Variants in CTNNA2 observed in about 807,000 individuals in gnomAD.
The protein encoded by CTNNA2 is catenin alpha-2.
Under a neutral mutation model 101.0 loss-of-function variants are expected in CTNNA2, and 42 were observed. That is an observed-to-expected ratio of 0.42 (90% confidence interval 0.32 to 0.54). The LOEUF (loss-of-function observed/expected upper bound fraction) is 0.54, where lower values mean the gene tolerates loss of function less well. Ranked by LOEUF, CTNNA2 falls within the 20% of genes least tolerant of loss-of-function variation. The pLI, the probability that CTNNA2 is intolerant of heterozygous loss-of-function variation, is 0.14. For missense variants in CTNNA2, 871 were observed against 1,223.1 expected (o/e 0.71, Z 4.29); for synonymous variants, 450 against 456.4 (o/e 0.99, Z 0.18).
At chr2:79,228,031 T>C (rs947853457) in intron 2 of CTNNA2, among the ~76,000 whole-genome samples, 76 of 152,350 alleles carry the variant, frequency 5.0e-4, no homozygotes, top group African/African-American at 1.7e-3. Flanking sequence ...AGTTAGATTG[T>C]TTAGGCTAAT....
chr2:79,486,693 T>A (rs1427659742), intron 4 of CTNNA2, among the ~76,000 whole-genome samples: 5 of 152,312 alleles, frequency 3.3e-5, no homozygotes, highest in Admixed American at 2.0e-4. Context: ...TCCCACCAAC[T>A]GTGTAAAAAT....
chr2:79,565,731 A>G (rs1249356558), intron 1 of CTNNA2, among the ~76,000 whole-genome samples: 2 of 152,138 alleles, frequency 1.3e-5, no homozygotes, highest in Non-Finnish European at 2.9e-5. Context: ...TATAGTAAAC[A>G]AGTAACTCAG....
chr2:80,165,032 G>A (rs992432188), intron 7 of CTNNA2, among the ~76,000 whole-genome samples: 1 of 150,424 alleles, frequency 6.6e-6, no homozygotes, highest in African/African-American at 2.4e-5. Context: ...TTTCTTTCAG[G>A]TTACACTGCT....
chr2:80,192,097 G>A (rs1706543077), intron 7 of CTNNA2, among the ~76,000 whole-genome samples: 1 of 152,164 alleles, frequency 6.6e-6, no homozygotes, highest in Admixed American at 6.5e-5. Context: ...AGAGTTTGAG[G>A]TCTGCAGTGG....
chr2:80,631,803 A>G (rs1357702885), intron 18 of CTNNA2, among the ~76,000 whole-genome samples: 2 of 152,124 alleles, frequency 1.3e-5, no homozygotes, highest in Non-Finnish European at 2.9e-5. Context: ...GTAATTGTCT[A>G]TTAGCTAGCA....
intron 1 of CTNNA2, among the ~76,000 whole-genome samples, chr2:79,591,781 T>G (rs1676863223): frequency 6.6e-6 from 1 of 152,168 alleles, no homozygotes; most frequent in African/African-American, 2.4e-5. Flanking sequence ...AAATCTAATC[T>G]GTGTCTTACG....
At chr2:79,455,959 A>G (rs1259832062) in intron 4 of CTNNA2, among the ~76,000 whole-genome samples, 2 of 152,068 alleles carry the variant, frequency 1.3e-5, no homozygotes, top group Admixed American at 6.6e-5. Flanking sequence ...TATCTTACAA[A>G]GGTTGAGAGT....
At chr2:79,643,686 C>T (rs1355596970) in intron 1 of CTNNA2, among the ~76,000 whole-genome samples, 3 of 152,116 alleles carry the variant, frequency 2.0e-5, no homozygotes, top group Non-Finnish European at 2.9e-5. Context: ...CCTTCTTTGG[C>T]TCTCTCAAGG....
chr2:79,675,631 G>A (rs1055102393), intron 2 of CTNNA2, among the ~76,000 whole-genome samples: 14 of 152,182 alleles, frequency 9.2e-5, no homozygotes, highest in Admixed American at 6.5e-4. Context: ...ATACTCAGTT[G>A]CATTATGTAA....
intron 7 of CTNNA2, among the ~76,000 whole-genome samples, chr2:80,261,702 C>T (rs914135571): frequency 1.3e-5 from 2 of 152,090 alleles, no homozygotes; most frequent in African/African-American, 4.8e-5. Context: ...ATTGCTTTTC[C>T]TAAGGGCAAA....
intron 3 of CTNNA2, among the ~76,000 whole-genome samples, chr2:79,372,648 CA>C (rs1677898174): frequency 6.6e-6 from 1 of 152,130 alleles, no homozygotes; most frequent in Non-Finnish European, 1.5e-5. Context: ...AGAAGCAACA[CA>C]AAGGGCTGTT....
chr2:79,944,635 G>C (rs1330098371), intron 7 of CTNNA2, among the ~76,000 whole-genome samples: 1 of 152,150 alleles, frequency 6.6e-6, no homozygotes, highest in Non-Finnish European at 1.5e-5. Flanking sequence ...GAAAGTGATT[G>C]CAACAAAAGT....
intron 4 of CTNNA2, among the ~76,000 whole-genome samples, chr2:79,395,355 AG>A (rs1242851637): frequency 6.6e-6 from 1 of 152,026 alleles, no homozygotes; most frequent in African/African-American, 2.4e-5. Flanking sequence ...CTCATCATTT[AG>A]CATTAGGTAT....
chr2:80,375,499 T>A (rs1675856795), intron 7 of CTNNA2, among the ~76,000 whole-genome samples: 1 of 151,826 alleles, frequency 6.6e-6, no homozygotes, highest in African/African-American at 2.4e-5. Flanking sequence ...CACCCTCAAG[T>A]CAGACTTATA....
rs183543382 is a variant in CTNNA2 at position 80,480,827 on chromosome 2, C to T, written c.1290+61226C>T. 2.0e-3 allele frequency among the ~76,000 whole-genome samples: 308 copies of T among 152,096 alleles called. 3 individuals are homozygous for T. Among genetic ancestry groups the T allele is most frequent in the Non-Finnish European group, 4.6e-4 (31 of 67,958 alleles). ...GTGTCTAAAAGGACCCTCTATTTTT[C>T]CCTGACATGGCTTTTATACCTAGAG... On this transcript the variant is annotated intron_variant, in intron 9 of 18. Transcript: ENST00000402739.
At chr2:80,182,792 A>T (rs1346429973) in intron 7 of CTNNA2, among the ~76,000 whole-genome samples, 1 of 152,178 alleles carries the variant, frequency 6.6e-6, no homozygotes, top group Non-Finnish European at 1.5e-5. Flanking sequence ...AGGCAGAAGC[A>T]GTAGTGAGTG....
intron 7 of CTNNA2, among the ~76,000 whole-genome samples, chr2:80,362,295 A>G (rs770250078): frequency 9.2e-5 from 14 of 152,176 alleles, no homozygotes; most frequent in Non-Finnish European, 1.2e-4. Context: ...AGATTTACAT[A>G]CATTTCAAAG....
intron 2 of CTNNA2, among the ~76,000 whole-genome samples, chr2:79,264,866 A>C (rs1434187): frequency 0.59 from 88,913 of 151,932 alleles, 26,253 homozygotes; most frequent in Non-Finnish European, 0.61. Context: ...TCTTAAGCTA[A>C]GGAGAGGAAG....
intron 3 of CTNNA2, among the ~76,000 whole-genome samples, chr2:79,821,697 G>T (rs879322892): frequency 5.3e-5 from 8 of 152,146 alleles, no homozygotes; most frequent in Non-Finnish European, 7.3e-5. Context: ...TTGAAAAAAT[G>T]AATTATAAAT....
Sources: allele counts gnomAD v4.1 joint callset (sites outside exome capture counted in the v4.1 genomes callset), GRCh38; gene constraint gnomAD v4.1.1; transcripts MANE v1.5; gene names NCBI Gene and HGNC (gene_info 2026-07-23, HGNC 2026-07-21).